The following KTN1 variants were observed in gnomAD, a reference collection of about 807,000 sequenced individuals.
KTN1 encodes the protein kinectin 1, also known as kinectin.
KTN1 carries 130 observed loss-of-function variants against 222.5 expected under a neutral mutation model. That is an observed-to-expected ratio of 0.58 (90% CI 0.51 to 0.68). KTN1 has a LOEUF of 0.68. KTN1 is among the 30% of genes least tolerant of loss of function. The pLI, the probability that KTN1 is intolerant of heterozygous loss-of-function variation, is 0.00. For missense variants in KTN1, 1,508 were observed against 1,500.4 expected (o/e 1.01, Z -0.08); for synonymous variants, 512 against 496.3 (o/e 1.03, Z -0.42).
intron 1 of KTN1, among the ~76,000 whole-genome samples, chr14:55,587,589 C>T (rs574211292): frequency 6.6e-6 from 1 of 152,298 alleles, no homozygotes; most frequent in African/African-American, 2.4e-5. Context: ...AATTCACTTA[C>T]GTGCCACCAA....
chr14:55,602,412 C>G (rs2036108986), intron 1 of KTN1, among the ~76,000 whole-genome samples: 1 of 152,152 alleles, frequency 6.6e-6, no homozygotes, highest in African/African-American at 2.4e-5. Flanking sequence ...ATACTATATA[C>G]TTCCTTTCGC....
At chr14:55,659,285 C>T (rs186075997) in intron 30 of KTN1, among the ~76,000 whole-genome samples, 4 of 150,034 alleles carry the variant, frequency 2.7e-5, no homozygotes, top group African/African-American at 9.8e-5. Flanking sequence ...CATAACTTGT[C>T]CTAGTTTTGC....
rs774822043 is a variant in KTN1 at position 55,679,696 on chromosome 14, C to G, written c.4069+11C>G. ...ACTACCAGGTGTTAGGTAAGGACAA[C>G]TGAAATATTGCTGTCTATGGGTAAT... is the stretch of plus-strand genomic sequence containing the variant. On this transcript the variant is annotated intron_variant, in intron 43 of 43. Coordinates refer to ENST00000395314, the MANE Select transcript of KTN1 (RefSeq NM_001079521.2). 1.2e-6 allele frequency: 2 copies of G among 1,613,050 alleles called. No homozygotes were observed. Among genetic ancestry groups the G allele is most frequent in the East Asian group, 2.2e-5 (1 of 44,854 alleles).
intron 5 of KTN1, among the ~76,000 whole-genome samples, chr14:55,625,823 G>C (rs962379470): frequency 6.6e-6 from 1 of 151,478 alleles, no homozygotes; most frequent in Non-Finnish European, 1.5e-5. Flanking sequence ...TATTCATATT[G>C]CTGGTAGAGG....
At chr14:55,655,581 G>A (rs542646941) in intron 28 of KTN1, among the ~76,000 whole-genome samples, 1 of 152,174 alleles carries the variant, frequency 6.6e-6, no homozygotes, top group Non-Finnish European at 1.5e-5. Context: ...GATGACCAGG[G>A]CAATTGAGAT....
intron 1 of KTN1, among the ~76,000 whole-genome samples, chr14:55,610,351 TTGG>T (rs1486527243): frequency 6.6e-6 from 1 of 150,598 alleles, no homozygotes; most frequent in Admixed American, 6.7e-5. Context: ...TCAGTAACAA[TTGG>T]TTAAAAAAAA....
chr14:55,592,922 C>T (rs1203718987), intron 1 of KTN1, among the ~76,000 whole-genome samples: 1 of 152,022 alleles, frequency 6.6e-6, no homozygotes, highest in African/African-American at 2.4e-5. Flanking sequence ...TTTCACTTTT[C>T]TCTTTTGCTA....
At chr14:55,663,230 C>T (rs950573199) in intron 32 of KTN1, 3 of 191,522 alleles carry the variant, frequency 1.6e-5, no homozygotes, top group Non-Finnish European at 3.3e-5. Flanking sequence ...GTTTAGATTT[C>T]TCATTCTGAA....
intron 32 of KTN1, among the ~76,000 whole-genome samples, chr14:55,662,120 G>A (rs1383471824): frequency 6.7e-6 from 1 of 149,988 alleles, no homozygotes; most frequent in Non-Finnish European, 1.5e-5. Flanking sequence ...GCCCAGGCTG[G>A]AGGTGGCTTG....
rs534439479 is a variant in KTN1, at chr14:55,580,253, TGCGGCGGCGGCG to T, written c.-116_-105del. 70 of 153,920 alleles carry T rather than the reference TGCGGCGGCGGCG, an allele frequency of 4.5e-4. No homozygotes were observed. Among genetic ancestry groups the T allele is most frequent in the Non-Finnish European group, 7.8e-4 (56 of 71,532 alleles). 9.5% of individuals were successfully genotyped at this position (153,920 alleles called of 1,614,324 possible). A position where few individuals can be genotyped will look rare whatever the true frequency, so the allele number is the denominator to read the frequency against. ...AGCGGCGCGACGGCACCTGAGCGAC[TGCGGCGGCGGCG>T]GCGGCGGCGGCGGCGCCTCGGAGCG... On this transcript the variant is annotated 5_prime_UTR_variant, in exon 1 of 44. Transcript: ENST00000395314.
In KTN1 at chr14:55,678,346, T is replaced by G; in HGVS notation, c.3856-6T>G. 1.3e-6 allele frequency: 2 copies of G among 1,569,350 alleles called. No homozygotes were observed. Among genetic ancestry groups the G allele is most frequent in the Non-Finnish European group, 1.8e-6 (2 of 1,139,416 alleles). On this transcript the variant is annotated splice_region_variant and splice_polypyrimidine_tract_variant and intron_variant, in intron 41 of 43. Coordinates refer to ENST00000395314, the MANE Select transcript of KTN1 (RefSeq NM_001079521.2). ...CTTAGTAGCTACCATATTGTTTTCCTTATAGGCTCAACAGTCACTGGAGCT... is the reference window on the plus strand; with the variant it reads ...CTTAGTAGCTACCATATTGTTTTCCGTATAGGCTCAACAGTCACTGGAGCT...
intron 6 of KTN1, among the ~76,000 whole-genome samples, chr14:55,628,319 C>T (rs552725819): frequency 4.6e-5 from 7 of 152,286 alleles, no homozygotes; most frequent in Non-Finnish European, 1.0e-4. Flanking sequence ...TGACCTAGAT[C>T]TGTTCTCAAT....
In KTN1 at chr14:55,627,913, C is replaced by T; in HGVS notation, c.965C>T (p.Ser322Leu). The T allele has an allele frequency of 6.3e-7, 1 of 1,582,126 alleles. No homozygotes were observed. Among genetic ancestry groups the T allele is most frequent in the South Asian group, 1.1e-5 (1 of 89,634 alleles). The change falls in exon 6 of 44, where the codon TCA (serine) becomes TTA (leucine). Residue 322 changes from serine (S) to leucine (L), a missense_variant and splice_region_variant. Transcript: ENST00000395314. ...SGVIQDALKKSSKGELTTLIH... is the reference protein window; with the variant it reads ...SGVIQDALKKLSKGELTTLIH... ...TCTGCATTGCTTTCTCAATTGCAGT[C>T]AAGTAAGGGAGAATTGACTACGCTT... is the stretch of plus-strand genomic sequence containing the variant.
At position 55,637,465 on chromosome 14, in the gene KTN1, G is replaced by A. The variant is rs1256711155; in HGVS notation, c.1716+101G>A. The A allele has an allele frequency of 3.6e-6, 3 of 839,202 alleles. No homozygotes were observed. The East Asian group carries it at 8.2e-5, about 23-fold the overall frequency. 52.0% of individuals were successfully genotyped at this position (839,202 alleles called of 1,614,324 possible). On this transcript the variant is annotated intron_variant, in intron 11 of 43. Transcript: ENST00000395314. ...CTAAAGTCTACCTTATCCTAATTCTGAAATGATGATGAATAATTATAACTT... is the reference window on the plus strand; with the variant it reads ...CTAAAGTCTACCTTATCCTAATTCTAAAATGATGATGAATAATTATAACTT...
intron 1 of KTN1, among the ~76,000 whole-genome samples, chr14:55,591,581 CTTTTTTTTTTTT>C (rs71131297): frequency 3.4e-5 from 3 of 87,682 alleles, no homozygotes; most frequent in African/African-American, 4.4e-5. Flanking sequence ...TTCTCTCTTT[CTTTTTTTTTTTT>C]TTTTTTTTTT....
At chr14:55,669,716 C>T (rs2045276209) in intron 34 of KTN1, among the ~76,000 whole-genome samples, 1 of 151,848 alleles carries the variant, frequency 6.6e-6, no homozygotes, top group South Asian at 2.1e-4. Flanking sequence ...TGATAGTGTA[C>T]ATTTAGTCTT....
intron 43 of KTN1, chr14:55,680,537 A>AG: frequency 2.0e-6 from 1 of 504,698 alleles, no homozygotes; most frequent in Non-Finnish European, 4.1e-6. Context: ...GGAGACCCTG[A>AG]GGGGCAACTC....
chr14:55,608,488 G>A (rs2037065697), intron 1 of KTN1, among the ~76,000 whole-genome samples: 1 of 152,090 alleles, frequency 6.6e-6, no homozygotes, highest in African/African-American at 2.4e-5. Flanking sequence ...TGACTTTTTA[G>A]CAGCATTGAA....
intron 35 of KTN1, 25 bp from the exon 36 acceptor site, chr14:55,671,540 GT>G: frequency 6.4e-7 from 1 of 1,561,354 alleles, no homozygotes; most frequent in Non-Finnish European, 8.7e-7. Flanking sequence ...GAATTATGGA[GT>G]TTTTCTTTAT....
Sources: allele counts gnomAD v4.1 joint callset (sites outside exome capture counted in the v4.1 genomes callset), GRCh38; gene constraint gnomAD v4.1.1; transcripts MANE v1.5; gene names NCBI Gene and HGNC (gene_info 2026-07-23, HGNC 2026-07-21).